GPR63: variants seen among roughly 807,000 people sequenced by gnomAD.
GPR63 encodes probable G protein-coupled receptor 63.
GPR63 carries 12 observed loss-of-function variants against 23.1 expected under a neutral mutation model. That is an observed-to-expected ratio of 0.52 (90% CI 0.33 to 0.84). GPR63 has a LOEUF of 0.84. GPR63 is among the 40% of genes least tolerant of loss of function. GPR63 has a pLI of 0.02. For synonymous variants in GPR63, 172 were observed against 191.1 expected (o/e 0.90, Z 0.82); for missense variants, 472 against 515.6 (o/e 0.92, Z 0.82).
Position 96,798,417 on chromosome 6 carries a change from A to T in GPR63, c.*55T>A, listed in dbSNP as rs1199913981. Reference sequence around the variant, plus strand: ...AAAGTGGAGAGGCTATGAGAAAGAGAATTCAATGTCAATAAAGAACAAGCA... The same window carrying T: ...AAAGTGGAGAGGCTATGAGAAAGAGTATTCAATGTCAATAAAGAACAAGCA... On this transcript the variant is annotated 3_prime_UTR_variant, in exon 2 of 2. Transcript: ENST00000229955. The T allele has an allele frequency of 1.9e-6, 3 of 1,559,402 alleles. No individual in the cohort carries two copies. The East Asian group carries it at 6.8e-5, about 35-fold the overall frequency.
intron 1 of GPR63, among the ~76,000 whole-genome samples, chr6:96,803,299 G>T (rs2127945240): frequency 6.6e-6 from 1 of 152,288 alleles, no homozygotes; most frequent in East Asian, 1.9e-4. Flanking sequence ...AACAATGCCA[G>T]CTTGGTGACC....
chr6:96,822,481 T>C (rs1774338495), intron 1 of GPR63, among the ~76,000 whole-genome samples: 1 of 152,196 alleles, frequency 6.6e-6, no homozygotes, highest in Admixed American at 6.5e-5. Flanking sequence ...AAAAGAAATG[T>C]TGACAGCGTC....
rs376866452 is a variant in GPR63 at position 96,799,223 on chromosome 6, G to A, written c.509C>T (p.Ala170Val). Residue 170 changes from alanine (A) to valine (V), a missense_variant, in exon 2 of 2, where the codon GCC (alanine) becomes GTC (valine). By Grantham distance (64) the Ala-to-Val change is moderately conservative (BLOSUM62 0). Coordinates refer to ENST00000229955, the MANE Select transcript of GPR63 (RefSeq NM_030784.4). ...ATCTATGCTAATGATGAGCAGGATG[G>A]CTACTCCTTCTATCACAAATAACCA... is the stretch of plus-strand genomic sequence containing the variant. ...FFWLFVIEGV[A>V]ILLIISIDRF... is the part of the protein sequence containing the mutation. 2 of 1,614,140 alleles carry A rather than the reference G, an allele frequency of 1.2e-6. No individual in the cohort carries two copies. Among genetic ancestry groups the A allele is most frequent in the Non-Finnish European group, 8.5e-7 (1 of 1,180,018 alleles).
chr6:96,822,214 C>A (rs1774331710), intron 1 of GPR63, among the ~76,000 whole-genome samples: 1 of 151,968 alleles, frequency 6.6e-6, no homozygotes, highest in South Asian at 2.1e-4. Flanking sequence ...AGGGAAACAT[C>A]ACTGAAATAA....
chr6:96,813,489 T>C (rs965894415), intron 1 of GPR63, among the ~76,000 whole-genome samples: 2 of 152,226 alleles, frequency 1.3e-5, no homozygotes, highest in African/African-American at 2.4e-5. Flanking sequence ...CCTCTTGTTA[T>C]TGATTTCTAC....
At chr6:96,827,380 GAACT>G (rs1480204484) in intron 1 of GPR63, among the ~76,000 whole-genome samples, 2 of 151,908 alleles carry the variant, frequency 1.3e-5, no homozygotes, top group Non-Finnish European at 1.5e-5. Flanking sequence ...TAAAAGAGAT[GAACT>G]AAGGAAGAAA....
chr6:96,832,978 C>A (rs907012025), intron 1 of GPR63, among the ~76,000 whole-genome samples: 2 of 151,994 alleles, frequency 1.3e-5, no homozygotes, highest in African/African-American at 2.4e-5. Flanking sequence ...ATGAATAATG[C>A]AAAAGAAGGA....
chr6:96,812,758 A>G (rs1021159291), intron 1 of GPR63, among the ~76,000 whole-genome samples: 28 of 151,950 alleles, frequency 1.8e-4, no homozygotes, highest in African/African-American at 6.5e-4. Context: ...ACATGTGAGC[A>G]TTTGTTACAT....
intron 1 of GPR63, among the ~76,000 whole-genome samples, chr6:96,833,890 T>C (rs937192803): frequency 6.6e-6 from 1 of 152,080 alleles, no homozygotes; most frequent in Non-Finnish European, 1.5e-5. Flanking sequence ...CTGATAATAA[T>C]AACCCTATTA....
chr6:96,824,515 T>A (rs988561656), intron 1 of GPR63, among the ~76,000 whole-genome samples: 6 of 150,344 alleles, frequency 4.0e-5, no homozygotes, highest in South Asian at 2.1e-4. Flanking sequence ...GCTACATAAT[T>A]ATCATTCTAA....
chr6:96,835,314 A>G (rs1234420489), intron 1 of GPR63, among the ~76,000 whole-genome samples: 1 of 152,116 alleles, frequency 6.6e-6, no homozygotes, highest in East Asian at 1.9e-4. Context: ...CATGTTTTTT[A>G]TATACTCAAT....
chr6:96,830,410 T>G (rs1270946360), intron 1 of GPR63, among the ~76,000 whole-genome samples: 2 of 152,158 alleles, frequency 1.3e-5, no homozygotes, highest in Non-Finnish European at 1.5e-5. Flanking sequence ...CATTCCACAC[T>G]GAAAATATAG....
At chr6:96,801,032 G>T (rs1773749537) in intron 1 of GPR63, among the ~76,000 whole-genome samples, 1 of 151,992 alleles carries the variant, frequency 6.6e-6, no homozygotes, top group South Asian at 2.1e-4. Flanking sequence ...TTGTGGTATG[G>T]GTTTTTCCTT....
At position 96,795,752 on chromosome 6, in the gene GPR63, A is replaced by C. The variant is rs981134339; in HGVS notation, c.*2720T>G. 1 of 152,222 alleles carries C rather than the reference A, an allele frequency of 6.6e-6. No homozygotes were observed. Among genetic ancestry groups the C allele is most frequent in the Non-Finnish European group, 1.5e-5 (1 of 68,046 alleles). The allele number at this position is 152,222 out of a possible 1,614,324, so 9.4% of individuals were successfully genotyped here. On this transcript the variant is annotated 3_prime_UTR_variant, in exon 2 of 2. Coordinates refer to ENST00000229955, the MANE Select transcript of GPR63 (RefSeq NM_030784.4). Reference sequence around the variant, plus strand: ...AAAAAGGAGTCTTCATGACCTATCAATATGTAAGATGAATACAGATCATGC... The same window carrying C: ...AAAAAGGAGTCTTCATGACCTATCACTATGTAAGATGAATACAGATCATGC...
intron 1 of GPR63, among the ~76,000 whole-genome samples, chr6:96,831,663 T>A (rs909978187): frequency 1.3e-5 from 2 of 152,076 alleles, no homozygotes; most frequent in African/African-American, 4.8e-5. Context: ...TCCCAGCACT[T>A]TGGGACGCTG....
Position 96,809,840 on chromosome 6 carries a change from T to G in GPR63, c.-150-9959A>C, listed in dbSNP as rs1773995587. Among the ~76,000 whole-genome samples, 3 of 152,210 alleles carry G rather than the reference T, an allele frequency of 2.0e-5. No homozygotes were observed. The South Asian group carries it at 6.2e-4, about 32-fold the overall frequency. On this transcript the variant is annotated intron_variant, in intron 1 of 1. Transcript: ENST00000229955. ...GAACTTTCCTGACTCTCAAATGTCC[T>G]TATCTCAAAGATGCAGATATAAAAC... is the stretch of plus-strand genomic sequence containing the variant.
chr6:96,805,476 A>T (rs966919814), intron 1 of GPR63, among the ~76,000 whole-genome samples: 3 of 152,140 alleles, frequency 2.0e-5, no homozygotes, highest in Non-Finnish European at 4.4e-5. Flanking sequence ...GGAGGGGACA[A>T]ACAGCCCAAC....
chr6:96,798,868 G>A lies in GPR63; in HGVS notation c.864C>T (p.Ala288=). The A allele has an allele frequency of 6.2e-7, 1 of 1,614,198 alleles. No homozygotes were observed. The highest frequency in any genetic ancestry group is 1.1e-5 in the South Asian group (1 of 91,084). ...GCAGACTCATGAGACCCAGTTTGCT[G>A]GCCTGGCTGAGGCATATACCTTCAG... is the stretch of plus-strand genomic sequence containing the variant. ...SYPEGICLSQ[A]SKLGLMSLQR... The change falls in exon 2 of 2, where the codon GCC becomes GCT. Residue 288 remains alanine, a synonymous_variant. Coordinates refer to ENST00000229955, the MANE Select transcript of GPR63 (RefSeq NM_030784.4).
At position 96,794,481 on chromosome 6, in the gene GPR63, TA is replaced by T. The variant is rs1773531547; in HGVS notation, c.*3990del. On this transcript the variant is annotated 3_prime_UTR_variant, in exon 2 of 2. Transcript: ENST00000229955. ...ACTTAAACTAAAAATCATTGTAGAA[TA>T]AAATGTCAAGCAAGTGAAAACTTTT... The T allele has an allele frequency of 1.3e-5, 2 of 152,046 alleles. No homozygotes were observed. The highest frequency in any genetic ancestry group is 2.9e-5 in the Non-Finnish European group (2 of 67,980). 9.4% of individuals were successfully genotyped at this position (152,046 alleles called of 1,614,324 possible).
Sources: gnomAD v4.1 joint callset for allele counts (sites outside exome capture counted in the v4.1 genomes callset) on GRCh38, gnomAD v4.1.1 for gene constraint, MANE v1.5 for transcripts, NCBI Gene and HGNC (gene_info 2026-07-23, HGNC 2026-07-21) for gene names.